Variants in TTC12 observed in about 807,000 individuals in gnomAD.
The protein encoded by TTC12 is tetratricopeptide repeat domain 12, also known as tetratricopeptide repeat protein 12.
Under a neutral mutation model 90.1 loss-of-function variants are expected in TTC12, and 70 were observed. The observed-to-expected ratio is 0.78, with a 90% CI of 0.64 to 0.95. The LOEUF (loss-of-function observed/expected upper bound fraction) is 0.95. TTC12 is among the 40% of genes least tolerant of loss of function. The pLI, the probability that TTC12 is intolerant of heterozygous loss-of-function variation, is 0.00. For missense variants in TTC12, 819 were observed against 846.1 expected (o/e 0.97, Z 0.40); for synonymous variants, 296 against 311.5 (o/e 0.95, Z 0.53).
chr11:113,323,372 T>A lies in TTC12; in HGVS notation c.143T>A (p.Met48Lys). The A allele has an allele frequency of 6.2e-7, 1 of 1,613,540 alleles. No individual in the cohort carries two copies. Among genetic ancestry groups the A allele is most frequent in the South Asian group, 1.1e-5 (1 of 90,986 alleles). ...GAGACAGAAAAGAGACTACTGCTTA[T>A]GGAGGAAGACCAGGAGGAGGATGAA... ...VLETEKRLLL[M>K]EEDQEEDECR... Residue 48 changes from methionine to lysine, a missense_variant, in exon 3 of 22, where the codon ATG becomes AAG. Met to Lys is a moderately conservative substitution (Grantham distance 95). Coordinates refer to ENST00000529221, the MANE Select transcript of TTC12 (RefSeq NM_017868.4).
In TTC12 at chr11:113,359,366, A is replaced by AGGT; in HGVS notation, c.1452_1454dup (p.Arg484_Cys485insTrp). 1 of 1,604,252 alleles carries AGGT rather than the reference A, an allele frequency of 6.2e-7. No homozygotes were observed. Among genetic ancestry groups the AGGT allele is most frequent in the Non-Finnish European group, 8.5e-7 (1 of 1,172,308 alleles). The stretch of plus-strand genomic sequence containing the variant: ...TTACCTTGTTTTGTTTCCCAAGGCC[A>AGGT]GGTGTGAGGAGGATGTGGACCTGTT... On this transcript the variant is annotated inframe_insertion, in exon 17 of 22. Transcript: ENST00000529221.
At chr11:113,360,562 T>G (rs1345181606) in intron 18 of TTC12, among the ~76,000 whole-genome samples, 1 of 152,240 alleles carries the variant, frequency 6.6e-6, no homozygotes, top group Non-Finnish European at 1.5e-5. Context: ...GGCCTATATG[T>G]TAGCACAGTG....
intron 19 of TTC12, 92 bp from the exon 20 acceptor site, chr11:113,363,736 C>T: frequency 1.2e-6 from 1 of 819,564 alleles, no homozygotes; most frequent in Non-Finnish European, 2.0e-6. Context: ...GTTTAGGAAG[C>T]CACTAGCGCT....
chr11:113,323,018 C>T (rs929837618), intron 2 of TTC12, among the ~76,000 whole-genome samples: 1 of 146,382 alleles, frequency 6.8e-6, no homozygotes, highest in African/African-American at 2.5e-5. Flanking sequence ...ATGAGCTCTC[C>T]ATAAATTATT....
chr11:113,353,586 A>G (rs903128707), intron 16 of TTC12, among the ~76,000 whole-genome samples: 11 of 152,034 alleles, frequency 7.2e-5, no homozygotes, highest in African/African-American at 2.4e-4. Context: ...CAGGGTTTTT[A>G]TAGTTTTGGA....
At chr11:113,340,567 C>T in intron 10 of TTC12, 97 bp from the exon 11 acceptor site, 1 of 855,326 alleles carries the variant, frequency 1.2e-6, no homozygotes, top group Non-Finnish European at 2.0e-6. Flanking sequence ...CCGTGGCATT[C>T]CATATTAGGT....
chr11:113,316,320 G>A lies in TTC12; in HGVS notation c.58+5G>A, dbSNP rs373035927. 2 of 1,374,680 alleles carry A rather than the reference G, an allele frequency of 1.5e-6. No individual in the cohort carries two copies. The highest frequency in any genetic ancestry group is 1.9e-6 in the Non-Finnish European group (2 of 1,028,768). The allele number at this position is 1,374,680 out of a possible 1,614,324, so 85.2% of individuals were successfully genotyped here. A position where few individuals can be genotyped will look rare whatever the true frequency, so the allele number is the denominator to read the frequency against. On this transcript the variant is annotated splice_donor_5th_base_variant and intron_variant, in intron 2 of 21. Coordinates refer to ENST00000529221, the MANE Select transcript of TTC12 (RefSeq NM_017868.4). ...TTAAAAATGTGGATGAAATCTGTAAGTACTAGTAAATCATAAATTAATTTC... is the reference window on the plus strand; with the variant it reads ...TTAAAAATGTGGATGAAATCTGTAAATACTAGTAAATCATAAATTAATTTC...
At chr11:113,346,637 A>C (rs994430873) in intron 13 of TTC12, among the ~76,000 whole-genome samples, 12 of 151,614 alleles carry the variant, frequency 7.9e-5, no homozygotes, top group African/African-American at 2.9e-4. Flanking sequence ...ATTGTGTCAC[A>C]TGCTACCCCT....
At chr11:113,342,342 T>A (rs1948729641) in intron 12 of TTC12, among the ~76,000 whole-genome samples, 1 of 152,208 alleles carries the variant, frequency 6.6e-6, no homozygotes, top group South Asian at 2.1e-4. Flanking sequence ...CATCTAGTAT[T>A]GAGACAGTAG....
intron 11 of TTC12, among the ~76,000 whole-genome samples, chr11:113,341,187 G>C (rs113910196): frequency 6.6e-6 from 1 of 152,148 alleles, no homozygotes; most frequent in African/African-American, 2.4e-5. Flanking sequence ...CCGAGATCAC[G>C]CCACTGTACT....
At chr11:113,319,820 C>T (rs1442307018) in intron 2 of TTC12, among the ~76,000 whole-genome samples, 1 of 152,136 alleles carries the variant, frequency 6.6e-6, no homozygotes, top group Non-Finnish European at 1.5e-5. Context: ...GATTTGCACA[C>T]ATAACAGGGA....
At chr11:113,340,008 T>C (rs1948594825) in intron 10 of TTC12, among the ~76,000 whole-genome samples, 1 of 152,190 alleles carries the variant, frequency 6.6e-6, no homozygotes, top group Non-Finnish European at 1.5e-5. Flanking sequence ...CAGAATTTTG[T>C]AGGTTAAACT....
At chr11:113,324,861 T>C (rs1215344010) in intron 5 of TTC12, among the ~76,000 whole-genome samples, 179 bp downstream of exon 5, 2 of 152,136 alleles carry the variant, frequency 1.3e-5, no homozygotes, top group Non-Finnish European at 2.9e-5. Context: ...CTGTTCCTGC[T>C]GCAACAAGCA....
chr11:113,331,020 A>G (rs1555142435), intron 7 of TTC12, among the ~76,000 whole-genome samples: 1 of 152,158 alleles, frequency 6.6e-6, no homozygotes, highest in Non-Finnish European at 1.5e-5. Flanking sequence ...TATCTGCTTT[A>G]TTTCTTATTG....
chr11:113,323,956 ATTTG>A, intron 3 of TTC12, 34 bp from the exon 4 acceptor site: 1 of 1,587,270 alleles, frequency 6.3e-7, no homozygotes, highest in East Asian at 2.2e-5. Context: ...GGTTTTTGAA[ATTTG>A]TTTCTTTGTT....
At chr11:113,359,241 G>T in intron 16 of TTC12, 122 bp from the exon 17 acceptor site, 1 of 638,348 alleles carries the variant, frequency 1.6e-6, no homozygotes, top group Non-Finnish European at 2.9e-6. Flanking sequence ...CCATCATTTA[G>T]GTTCATGACA....
rs138830383 is a variant in TTC12, at chr11:113,372,595, A to G, written c.*121-529A>G. 4.5e-3 allele frequency among the ~76,000 whole-genome samples: 692 copies of G among 152,338 alleles called. 4 individuals carry two copies. The highest frequency in any genetic ancestry group is 7.7e-3 in the Non-Finnish European group (524 of 68,032). On this transcript the variant is annotated intron_variant, in intron 21 of 21. Transcript: ENST00000314756. ...ATTGTAGGCTATAGATGCATTCCGT[A>G]TACTGCATATGAGTAAGAGCTATGA...
intron 6 of TTC12, among the ~76,000 whole-genome samples, chr11:113,326,423 G>A (rs539756914): frequency 6.6e-6 from 1 of 152,266 alleles, no homozygotes; most frequent in East Asian, 1.9e-4. Context: ...GTCAGAATAT[G>A]TCAGCAGGAC....
At chr11:113,347,572 A>C (rs1949039726) in intron 13 of TTC12, among the ~76,000 whole-genome samples, 1 of 152,110 alleles carries the variant, frequency 6.6e-6, no homozygotes, top group Non-Finnish European at 1.5e-5. Flanking sequence ...ACTGTGCACA[A>C]GTTGCCTGCC....
Sources: allele counts gnomAD v4.1 joint callset (sites outside exome capture counted in the v4.1 genomes callset), GRCh38; gene constraint gnomAD v4.1.1; transcripts MANE v1.5; gene names NCBI Gene and HGNC (gene_info 2026-07-23, HGNC 2026-07-21).